Variants in RANBP9 observed in about 807,000 individuals in gnomAD.
RANBP9 encodes RAN binding protein 9, also known as ran-binding protein 9.
In RANBP9, 15 loss-of-function variants were observed where a neutral mutation model predicts 84.3. The observed-to-expected ratio is 0.18, with a 90% confidence interval of 0.12 to 0.27. The LOEUF is 0.27. Ranked by LOEUF, RANBP9 falls within the 10% of genes least tolerant of loss-of-function variation. RANBP9 has a pLI of 1.00. For missense variants in RANBP9, 809 were observed against 912.8 expected, an observed-to-expected ratio of 0.89 and a Z score of 1.46; for synonymous variants, 392 against 349.6, an observed-to-expected ratio of 1.12 and a Z score of -1.35.
intron 8 of RANBP9, among the ~76,000 whole-genome samples, chr6:13,640,014 TAAG>T (rs1237448229): frequency 6.6e-6 from 1 of 152,148 alleles, no homozygotes; most frequent in Non-Finnish European, 1.5e-5. Flanking sequence ...AATTTACCTA[TAAG>T]AAGATATGAA....
At chr6:13,627,289 G>T (rs1263806172) in intron 12 of RANBP9, among the ~76,000 whole-genome samples, 1 of 152,040 alleles carries the variant, frequency 6.6e-6, no homozygotes, top group African/African-American at 2.4e-5. Context: ...CCCATGGAAA[G>T]AATATATGAC....
At chr6:13,669,709 C>T (rs1479972308) in intron 2 of RANBP9, among the ~76,000 whole-genome samples, 1 of 152,272 alleles carries the variant, frequency 6.6e-6, no homozygotes, top group African/African-American at 2.4e-5. Flanking sequence ...CACACCTCAG[C>T]CCCCGAGTAG....
chr6:13,640,868 TACC>T (rs1584917621), intron 8 of RANBP9, among the ~76,000 whole-genome samples: 2 of 152,136 alleles, frequency 1.3e-5, no homozygotes, highest in South Asian at 2.1e-4. Flanking sequence ...ATGTATATTT[TACC>T]ACAATTTTTT....
At chr6:13,664,896 G>A (rs1765614061) in intron 2 of RANBP9, among the ~76,000 whole-genome samples, 1 of 152,132 alleles carries the variant, frequency 6.6e-6, no homozygotes, top group South Asian at 2.1e-4. Flanking sequence ...AAACAGTATG[G>A]TACTGGCTTA....
Position 13,696,424 on chromosome 6 carries a change from A to T in RANBP9, c.683+361T>A, listed in dbSNP as rs1413835406. ...TAAGTCCAACATCTGTAAAATACCTATGAATCACCAACTGACTATGATTAC... is the reference window on the plus strand; with the variant it reads ...TAAGTCCAACATCTGTAAAATACCTTTGAATCACCAACTGACTATGATTAC... On this transcript the variant is annotated intron_variant, in intron 2 of 13. Transcript: ENST00000011619. 2.0e-5 allele frequency among the ~76,000 whole-genome samples: 3 copies of T among 152,206 alleles called. No individual in the cohort carries two copies. The East Asian group carries it at 5.8e-4, about 29-fold the overall frequency.
At chr6:13,710,545 C>CCCA (rs1425577089) in intron 1 of RANBP9, among the ~76,000 whole-genome samples, 25 of 152,242 alleles carry the variant, frequency 1.6e-4, no homozygotes, top group African/African-American at 6.0e-4. Flanking sequence ...GAACGCCTGA[C>CCCA]CCACCACCTG....
chr6:13,678,471 T>A (rs1765949324), intron 2 of RANBP9, among the ~76,000 whole-genome samples: 1 of 152,226 alleles, frequency 6.6e-6, no homozygotes, highest in Non-Finnish European at 1.5e-5. Flanking sequence ...GTCTTCCATA[T>A]ACAAACCAAC....
chr6:13,711,099 C>A lies in RANBP9; in HGVS notation c.407G>T (p.Gly136Val). The A allele has an allele frequency of 3.2e-6, 5 of 1,567,278 alleles. No homozygotes were observed. Among genetic ancestry groups the A allele is most frequent in the Non-Finnish European group, 4.3e-6 (5 of 1,156,658 alleles). Residue 136 changes from glycine to valine, a missense_variant, in exon 1 of 14, where the codon GGG becomes GTG. Around this residue, in one of 5 missense-constraint regions of RANBP9, gnomAD observed 302 missense variants for 240.1 expected, o/e 1.26. Transcript: ENST00000011619. ...GSSAAAPFPH[G>V]DSALNEQEKE... ...CTCCTGCTCGTTCAGGGCCGAGTCC[C>A]CGTGAGGGAAGGGGGCCGCGGCGCT... is the stretch of plus-strand genomic sequence containing the variant.
intron 1 of RANBP9, among the ~76,000 whole-genome samples, chr6:13,709,911 CGTGAATGTAAAA>C (rs1426864163): frequency 6.6e-6 from 1 of 152,138 alleles, no homozygotes. Flanking sequence ...GTGAGGCTGC[CGTGAATGTAAAA>C]GCTTCTGCTT....
chr6:13,669,632 C>A (rs1299401196), intron 2 of RANBP9, among the ~76,000 whole-genome samples: 2 of 152,202 alleles, frequency 1.3e-5, no homozygotes, highest in African/African-American at 2.4e-5. Context: ...CTCACTTTAA[C>A]CAGGCTGCAG....
intron 2 of RANBP9, among the ~76,000 whole-genome samples, chr6:13,661,419 A>G (rs1765535945): frequency 1.3e-5 from 2 of 152,160 alleles, no homozygotes; most frequent in Admixed American, 1.3e-4. Context: ...TAAACTTCCC[A>G]ATCAAAATAA....
chr6:13,652,863 G>A (rs146027448), intron 4 of RANBP9, among the ~76,000 whole-genome samples, 182 bp from the exon 5 acceptor site: 71 of 152,182 alleles, frequency 4.7e-4, no homozygotes, highest in African/African-American at 1.4e-3. Context: ...GTGAACAAAC[G>A]CTGTCCCCTT....
chr6:13,669,879 C>G (rs1341876116), intron 2 of RANBP9, among the ~76,000 whole-genome samples: 1 of 152,062 alleles, frequency 6.6e-6, no homozygotes, highest in East Asian at 1.9e-4. Context: ...CAGGTGTGAG[C>G]CACAGCATCT....
At chr6:13,704,620 G>C (rs1312419781) in intron 1 of RANBP9, among the ~76,000 whole-genome samples, 1 of 151,042 alleles carries the variant, frequency 6.6e-6, no homozygotes, top group Admixed American at 6.6e-5. Flanking sequence ...AATGGAGTCA[G>C]ACCCTGCCTC....
chr6:13,667,350 A>C (rs1765674015), intron 2 of RANBP9, among the ~76,000 whole-genome samples: 1 of 152,084 alleles, frequency 6.6e-6, no homozygotes, highest in South Asian at 2.1e-4. Flanking sequence ...TTTCTGCTAT[A>C]CCTTTTGGCA....
chr6:13,679,705 CAAAT>C (rs1214783142), intron 2 of RANBP9, among the ~76,000 whole-genome samples: 1 of 152,126 alleles, frequency 6.6e-6, no homozygotes, highest in Non-Finnish European at 1.5e-5. Flanking sequence ...TTAAATCACA[CAAAT>C]AAGTTCAGAA....
At chr6:13,639,946 A>G (rs1404768906) in intron 8 of RANBP9, among the ~76,000 whole-genome samples, 193 bp from the exon 9 acceptor site, 1 of 152,224 alleles carries the variant, frequency 6.6e-6, no homozygotes, top group Non-Finnish European at 1.5e-5. Context: ...AAATGAGAGT[A>G]CAATGTAATA....
intron 2 of RANBP9, among the ~76,000 whole-genome samples, chr6:13,662,312 T>C (rs1313658471): frequency 6.6e-6 from 1 of 151,882 alleles, no homozygotes; most frequent in Non-Finnish European, 1.5e-5. Context: ...CCTGAGACAA[T>C]CCAGATGTGA....
At chr6:13,682,059 G>C (rs767950313) in intron 2 of RANBP9, among the ~76,000 whole-genome samples, 1 of 151,766 alleles carries the variant, frequency 6.6e-6, no homozygotes, top group African/African-American at 2.4e-5. Context: ...ATGGGGTTTC[G>C]CCACATTGGC....
Sources: allele counts gnomAD v4.1 joint callset (sites outside exome capture counted in the v4.1 genomes callset), GRCh38; gene constraint gnomAD v4.1.1; regional missense constraint gnomAD v4.1.1; transcripts MANE v1.5; gene names NCBI Gene and HGNC (gene_info 2026-07-23, HGNC 2026-07-21).